The following SLC35F4 variants were observed in gnomAD, a reference collection of about 807,000 sequenced individuals.
SLC35F4 encodes chromosome 14 open reading frame 36.
In SLC35F4, 24 loss-of-function variants were observed where a neutral mutation model predicts 44.2. The ratio of observed to expected loss-of-function variants is 0.54; its 90% confidence interval spans 0.39 to 0.76. The LOEUF is 0.76. Among genes scored for constraint, SLC35F4 ranks in the 30% least tolerant of loss-of-function variants. The pLI, the probability that SLC35F4 is intolerant of heterozygous loss-of-function variation, is 0.00. For missense variants in SLC35F4, 562 were observed against 586.1 expected (o/e 0.96, Z 0.42); for synonymous variants, 238 against 223.6 (o/e 1.06, Z -0.57).
intron 1 of SLC35F4, among the ~76,000 whole-genome samples, chr14:57,828,529 A>G (rs2347367): frequency 0.13 from 20,375 of 152,228 alleles, 1,571 homozygotes; most frequent in African/African-American, 0.2. Context: ...TCACTTTTCT[A>G]TGGTAGTAGA....
intron 1 of SLC35F4, among the ~76,000 whole-genome samples, chr14:57,818,011 T>C (rs1566879003): frequency 6.6e-6 from 1 of 152,132 alleles, no homozygotes; most frequent in Non-Finnish European, 1.5e-5. Flanking sequence ...GCAATGGCTG[T>C]CCTCTGCAGG....
At chr14:57,607,088 A>G (rs2071206822) in intron 1 of SLC35F4, among the ~76,000 whole-genome samples, 1 of 152,188 alleles carries the variant, frequency 6.6e-6, no homozygotes, top group South Asian at 2.1e-4. Context: ...TGGGTGGACA[A>G]GCCAGCCTTT....
intron 1 of SLC35F4, among the ~76,000 whole-genome samples, chr14:57,876,643 A>C (rs1888405497): frequency 1.3e-5 from 2 of 152,212 alleles, no homozygotes; most frequent in African/African-American, 4.8e-5. Flanking sequence ...GGTTGTGTTC[A>C]AGTTATAATC....
chr14:57,617,089 C>G (rs1234428812), intron 1 of SLC35F4, among the ~76,000 whole-genome samples: 1 of 150,038 alleles, frequency 6.7e-6, no homozygotes, highest in Non-Finnish European at 1.5e-5. Context: ...CATAGGGAAA[C>G]CCCATATTGG....
intron 1 of SLC35F4, among the ~76,000 whole-genome samples, chr14:57,925,948 T>A (rs1725682021): frequency 6.6e-6 from 1 of 152,212 alleles, no homozygotes; most frequent in Non-Finnish European, 1.5e-5. Context: ...CTTTTGTCTT[T>A]TCTTTTTAGA....
intron 1 of SLC35F4, among the ~76,000 whole-genome samples, chr14:57,810,307 C>T (rs1032992602): frequency 6.6e-6 from 1 of 152,176 alleles, no homozygotes; most frequent in Non-Finnish European, 1.5e-5. Flanking sequence ...AGTAAAAGGC[C>T]AAGAAAATTC....
At chr14:57,938,659 C>T (rs1889860137) in intron 1 of SLC35F4, among the ~76,000 whole-genome samples, 1 of 152,204 alleles carries the variant, frequency 6.6e-6, no homozygotes, top group African/African-American at 2.4e-5. Flanking sequence ...TCACACTTAA[C>T]ACATGAAGAT....
At chr14:57,592,076 A>G (rs2070223854) in intron 2 of SLC35F4, among the ~76,000 whole-genome samples, 1 of 152,178 alleles carries the variant, frequency 6.6e-6, no homozygotes. Flanking sequence ...TTATTTTCTG[A>G]CCACTTTTAA....
At chr14:57,946,361 A>G (rs898526845) in intron 1 of SLC35F4, among the ~76,000 whole-genome samples, 1 of 151,712 alleles carries the variant, frequency 6.6e-6, no homozygotes, top group African/African-American at 2.4e-5. Context: ...CAATTATCCC[A>G]GCACTTTTTG....
chr14:57,912,548 T>C (rs1205657121), intron 1 of SLC35F4, among the ~76,000 whole-genome samples: 3 of 152,046 alleles, frequency 2.0e-5, no homozygotes, highest in African/African-American at 4.8e-5. Context: ...AGAAGTATGA[T>C]GTTTAACCTC....
At chr14:57,902,111 A>G (rs563703064) in intron 1 of SLC35F4, among the ~76,000 whole-genome samples, 8 of 152,312 alleles carry the variant, frequency 5.3e-5, no homozygotes, top group Non-Finnish European at 8.8e-5. Context: ...TGTCCCTTTG[A>G]GTGTAGACAT....
chr14:57,566,305 TCTG>T (rs1484243750), intron 7 of SLC35F4, among the ~76,000 whole-genome samples, 167 bp downstream of exon 7: 13 of 152,224 alleles, frequency 8.5e-5, no homozygotes, highest in African/African-American at 3.1e-4. Context: ...AGATTTTAAA[TCTG>T]CTGCATAGTT....
At chr14:57,897,899 T>C (rs1473120646) in intron 1 of SLC35F4, among the ~76,000 whole-genome samples, 5 of 152,152 alleles carry the variant, frequency 3.3e-5, no homozygotes, top group Non-Finnish European at 7.4e-5. Flanking sequence ...CATTTAGAAG[T>C]TTCCAGGTAT....
rs1032923291 is a variant in SLC35F4, at chr14:57,820,643, C to T, written c.103+45080G>A. 5.9e-5 allele frequency among the ~76,000 whole-genome samples: 9 copies of T among 152,138 alleles called. No individual in the cohort carries two copies. In the East Asian group the frequency reaches 7.7e-4, roughly 13 times the overall value. On this transcript the variant is annotated intron_variant, in intron 1 of 7. Transcript: ENST00000556826. The stretch of plus-strand genomic sequence containing the variant: ...TTTTTCTCTTTTGAAAATGTATCTG[C>T]GGAATGAGTGCCAATAGAGAGGAGA...
intron 4 of SLC35F4, among the ~76,000 whole-genome samples, chr14:57,576,783 A>G (rs2068817712): frequency 6.6e-6 from 1 of 152,152 alleles, no homozygotes; most frequent in South Asian, 2.1e-4. Flanking sequence ...TCTGAATAAA[A>G]TCCATTTGAA....
At chr14:57,565,982 C>A (rs2068186182) in intron 7 of SLC35F4, among the ~76,000 whole-genome samples, 1 of 152,154 alleles carries the variant, frequency 6.6e-6, no homozygotes, top group African/African-American at 2.4e-5. Context: ...AAAATAGCTT[C>A]TCTTGTCCCT....
chr14:57,701,555 A>G (rs897170171), intron 1 of SLC35F4, among the ~76,000 whole-genome samples: 1 of 152,218 alleles, frequency 6.6e-6, no homozygotes, highest in Non-Finnish European at 1.5e-5. Context: ...TTACACCAGC[A>G]TCACCACAAA....
In SLC35F4 at chr14:57,935,641, T is replaced by G. The variant is rs17093963; in HGVS notation, n.282+46272A>C. On this transcript the variant is annotated intron_variant and non_coding_transcript_variant, in intron 1 of 1. Coordinates refer to the SLC35F4 transcript ENST00000556568. Reference sequence around the variant, plus strand: ...AGGTGCTGGCAGAATAGCATATATTTCCTATCAGCTCTAAGGCCCAGATCC... The same window carrying G: ...AGGTGCTGGCAGAATAGCATATATTGCCTATCAGCTCTAAGGCCCAGATCC... Among the ~76,000 whole-genome samples the G allele has an allele frequency of 0.023, 3,530 of 152,298 alleles. 442 individuals are homozygous for G. The East Asian group carries it at 0.4, about 17-fold the overall frequency.
chr14:57,876,822 T>G (rs576822818), intron 1 of SLC35F4, among the ~76,000 whole-genome samples: 1 of 152,282 alleles, frequency 6.6e-6, no homozygotes, highest in East Asian at 1.9e-4. Flanking sequence ...TCTTAACTAA[T>G]CTAAAACCCA....
Sources: gnomAD v4.1 joint callset for allele counts (sites outside exome capture counted in the v4.1 genomes callset) on GRCh38, gnomAD v4.1.1 for gene constraint, MANE v1.5 for transcripts, NCBI Gene and HGNC (gene_info 2026-07-23, HGNC 2026-07-21) for gene names.